XKR9: variants seen among roughly 807,000 people sequenced by gnomAD.
XKR9 encodes the protein XK related 9.
In XKR9, 32 loss-of-function variants were observed where a neutral mutation model predicts 32.0. The observed-to-expected ratio is 1.00, with a 90% CI of 0.76 to 1.34. The LOEUF (loss-of-function observed/expected upper bound fraction) is 1.34, where lower values mean the gene tolerates loss of function less well. Among genes scored for constraint, XKR9 ranks in the 40% most tolerant of loss-of-function variants. XKR9 has a pLI of 0.00. For synonymous variants in XKR9, 168 were observed against 143.4 expected, an observed-to-expected ratio of 1.17 and a Z score of -1.22; for missense variants, 546 against 429.7, an observed-to-expected ratio of 1.27 and a Z score of -2.39.
chr8:70,786,678 T>C (rs1807692760), intron 2 of XKR9, among the ~76,000 whole-genome samples: 1 of 152,144 alleles, frequency 6.6e-6, no homozygotes, highest in Non-Finnish European at 1.5e-5. Context: ...TATTCTTTTG[T>C]ATGCAGCATA....
At chr8:70,828,113 A>T in the XKR9 span, among the ~76,000 whole-genome samples, 1 of 152,156 alleles carries the variant, frequency 6.6e-6, no homozygotes, top group Non-Finnish European at 1.5e-5. Flanking sequence ...GACTGAACGA[A>T]GTTAGGGTTT....
At chr8:70,936,837 A>C in the XKR9 span, among the ~76,000 whole-genome samples, 192 of 152,176 alleles carry the variant, frequency 1.3e-3, 1 homozygote, top group African/African-American at 4.4e-3. Flanking sequence ...CGCTTCTTTA[A>C]AAAGTAAATT....
downstream of XKR9, among the ~76,000 whole-genome samples, chr8:70,737,247 A>C (rs1267240665): frequency 2.7e-5 from 4 of 146,556 alleles, no homozygotes; most frequent in African/African-American, 1.0e-4. Context: ...ATGGGAGTTC[A>C]CTCATGATTT....
At chr8:70,913,765 C>A in the XKR9 span, among the ~76,000 whole-genome samples, 1 of 152,140 alleles carries the variant, frequency 6.6e-6, no homozygotes, top group Non-Finnish European at 1.5e-5. Context: ...TCACTAGCAT[C>A]CCTCCTTCCC....
At chr8:70,892,229 G>A in the XKR9 span, among the ~76,000 whole-genome samples, 4 of 151,840 alleles carry the variant, frequency 2.6e-5, no homozygotes, top group Admixed American at 2.6e-4. Context: ...TTTTAATAGG[G>A]GAATTTAATC....
intron 2 of XKR9, among the ~76,000 whole-genome samples, chr8:70,752,628 G>A (rs576902867): frequency 3.9e-5 from 6 of 152,226 alleles, no homozygotes; most frequent in African/African-American, 9.6e-5. Flanking sequence ...AGGACCATGC[G>A]TCCACATGAG....
the XKR9 span, among the ~76,000 whole-genome samples, chr8:70,840,898 A>C: frequency 6.6e-6 from 1 of 152,216 alleles, no homozygotes; most frequent in Non-Finnish European, 1.5e-5. Context: ...GTTTATAAAA[A>C]ATGGTTATAT....
chr8:70,924,212 T>C, the XKR9 span, among the ~76,000 whole-genome samples: 2 of 152,216 alleles, frequency 1.3e-5, no homozygotes, highest in African/African-American at 4.8e-5. Flanking sequence ...CCTTTTTTCT[T>C]TGTCTTGCCT....
the XKR9 span, among the ~76,000 whole-genome samples, chr8:70,858,617 A>G: frequency 6.6e-6 from 1 of 152,134 alleles, no homozygotes; most frequent in African/African-American, 2.4e-5. Context: ...TTTACTACAA[A>G]GCTATAGTAA....
the XKR9 span, among the ~76,000 whole-genome samples, chr8:70,964,240 C>T: frequency 6.6e-6 from 1 of 152,160 alleles, no homozygotes; most frequent in African/African-American, 2.4e-5. Flanking sequence ...TTCCCAGTTG[C>T]TTGTTTTTGT....
At chr8:70,880,394 C>A in the XKR9 span, among the ~76,000 whole-genome samples, 3 of 152,220 alleles carry the variant, frequency 2.0e-5, no homozygotes, top group Admixed American at 2.0e-4. Flanking sequence ...AGCCCCAAAT[C>A]TCCTTAACCT....
rs898489149 is a variant in XKR9, at chr8:70,734,941, G to A, written c.*517G>A. 1.3e-5 allele frequency: 2 copies of A among 152,218 alleles called. No individual in the cohort carries two copies. The highest frequency in any genetic ancestry group is 2.9e-5 in the Non-Finnish European group (2 of 68,108). The allele number at this position is 152,218 out of a possible 1,614,324, so 9.4% of individuals were successfully genotyped here. A position where few individuals can be genotyped will look rare whatever the true frequency, so the allele number is the denominator to read the frequency against. ...CCATGAAATCTCCAATTCAGTAAGT[G>A]CAAAAGAGAATTGGTGTGCATCTGA... On this transcript the variant is annotated 3_prime_UTR_variant, in exon 5 of 5. Coordinates refer to ENST00000408926, the MANE Select transcript of XKR9 (RefSeq NM_001011720.2).
chr8:70,830,306 C>T, the XKR9 span, among the ~76,000 whole-genome samples: 1 of 151,912 alleles, frequency 6.6e-6, no homozygotes, highest in African/African-American at 2.4e-5. Context: ...ACAGGCCAGG[C>T]GCCACAGCTC....
chr8:70,741,882 A>G (rs1350606801), intron 2 of XKR9, among the ~76,000 whole-genome samples: 1 of 151,982 alleles, frequency 6.6e-6, no homozygotes, highest in Non-Finnish European at 1.5e-5. Context: ...TGTTTCCATA[A>G]TGGCTGCACT....
chr8:71,000,486 C>T, the XKR9 span, among the ~76,000 whole-genome samples: 1 of 152,100 alleles, frequency 6.6e-6, no homozygotes, highest in South Asian at 2.1e-4. Flanking sequence ...TGAACAATAA[C>T]TTTTCTTTTA....
the XKR9 span, among the ~76,000 whole-genome samples, chr8:70,991,100 A>G: frequency 6.6e-6 from 1 of 152,134 alleles, no homozygotes; most frequent in Non-Finnish European, 1.5e-5. Flanking sequence ...CTTTCTTGAC[A>G]GTCAGCAGTT....
chr8:70,746,114 G>A (rs1266977392), intron 2 of XKR9, among the ~76,000 whole-genome samples: 1 of 151,756 alleles, frequency 6.6e-6, no homozygotes, highest in Non-Finnish European at 1.5e-5. Flanking sequence ...TTTTGTGAAA[G>A]TGGGACTTAA....
In XKR9 at chr8:70,754,368, C is replaced by A. The variant is rs1305109078; in HGVS notation, n.353-34971C>A. Reference sequence around the variant, plus strand: ...GGTAATTTATAGATTCAATGCCATCCCCATCAAGCTACCAATGACTTTCTT... The same window carrying A: ...GGTAATTTATAGATTCAATGCCATCACCATCAAGCTACCAATGACTTTCTT... On this transcript the variant is annotated intron_variant and non_coding_transcript_variant, in intron 2 of 3. Transcript: ENST00000520273. 2.8e-4 allele frequency among the ~76,000 whole-genome samples: 37 copies of A among 131,908 alleles called. 3 individuals are homozygous for A. Among genetic ancestry groups the A allele is most frequent in the African/African-American group, 8.6e-4 (34 of 39,752 alleles). The allele number at this position is 131,908 out of a possible 152,430, so 86.5% of individuals were successfully genotyped here. A position where few individuals can be genotyped will look rare whatever the true frequency, so the allele number is the denominator to read the frequency against.
the XKR9 span, among the ~76,000 whole-genome samples, chr8:70,945,570 C>T: frequency 7.1e-6 from 1 of 141,346 alleles, no homozygotes; most frequent in African/African-American, 2.5e-5. Context: ...ATTCAGCGAC[C>T]ACTAATCGCT....
Sources: gnomAD v4.1 joint callset for allele counts (sites outside exome capture counted in the v4.1 genomes callset) on GRCh38, gnomAD v4.1.1 for gene constraint, MANE v1.5 for transcripts, NCBI Gene and HGNC (gene_info 2026-07-23, HGNC 2026-07-21) for gene names.